Variants in LRMDA observed in about 807,000 individuals in gnomAD.
LRMDA encodes leucine-rich melanocyte differentiation-associated protein.
LRMDA carries 18 observed loss-of-function variants against 29.8 expected under a neutral mutation model. That is an observed-to-expected ratio of 0.60 (90% confidence interval 0.42 to 0.90). LRMDA has a LOEUF of 0.90. LRMDA is among the 40% of genes least tolerant of loss of function. The probability of loss-of-function intolerance (pLI) is 0.00; values close to 1 mark genes in which losing one functional copy is unlikely to be tolerated. For missense variants in LRMDA, 273 were observed against 273.9 expected, an observed-to-expected ratio of 1.00 and a Z score of 0.02; for synonymous variants, 125 against 109.4, an observed-to-expected ratio of 1.14 and a Z score of -0.89.
intron 2 of LRMDA, among the ~76,000 whole-genome samples, chr10:75,448,916 C>G (rs1039028503): frequency 6.6e-6 from 1 of 152,172 alleles, no homozygotes; most frequent in Admixed American, 6.5e-5. Flanking sequence ...CTTTGGGATA[C>G]TGAGGTGGGC....
At chr10:76,148,097 T>G (rs889245913) in intron 5 of LRMDA, among the ~76,000 whole-genome samples, 15 of 152,286 alleles carry the variant, frequency 9.8e-5, no homozygotes, top group African/African-American at 2.9e-4. Context: ...CTGCCCCTAC[T>G]GGGGGGTGCC....
At chr10:76,512,904 T>C (rs80104918) in intron 6 of LRMDA, among the ~76,000 whole-genome samples, 1 of 152,314 alleles carries the variant, frequency 6.6e-6, no homozygotes, top group East Asian at 1.9e-4. Flanking sequence ...TTTAATTTTA[T>C]TTCAATTTAT....
chr10:75,508,831 A>T (rs983987338), intron 2 of LRMDA, among the ~76,000 whole-genome samples: 1 of 152,180 alleles, frequency 6.6e-6, no homozygotes, highest in Non-Finnish European at 1.5e-5. Flanking sequence ...TTTGGGAAAC[A>T]TTAAGAATTT....
At chr10:75,622,427 G>A (rs1841200971) in intron 2 of LRMDA, among the ~76,000 whole-genome samples, 1 of 152,102 alleles carries the variant, frequency 6.6e-6, no homozygotes, top group Non-Finnish European at 1.5e-5. Flanking sequence ...TCCCCCTTTT[G>A]AGCAGGCATC....
At chr10:75,584,141 C>A (rs1840628915) in intron 2 of LRMDA, among the ~76,000 whole-genome samples, 1 of 152,172 alleles carries the variant, frequency 6.6e-6, no homozygotes, top group South Asian at 2.1e-4. Context: ...ACAGCTAGCC[C>A]CTTCCCCTGC....
intron 6 of LRMDA, among the ~76,000 whole-genome samples, chr10:76,544,415 CCCACTGTCAG>C (rs1445719277): frequency 1.3e-5 from 2 of 152,130 alleles, no homozygotes; most frequent in Admixed American, 6.5e-5. Context: ...CCTGGTACCA[CCCACTGTCAG>C]CAGTGTCTGT....
chr10:75,581,705 G>A (rs1434346994), intron 2 of LRMDA, among the ~76,000 whole-genome samples: 1 of 86,756 alleles, frequency 1.2e-5, no homozygotes, highest in Non-Finnish European at 3.2e-5. Flanking sequence ...AACACCATAT[G>A]TTCTCAATTG....
At chr10:76,211,772 G>C (rs1472132362) in intron 5 of LRMDA, among the ~76,000 whole-genome samples, 1 of 152,218 alleles carries the variant, frequency 6.6e-6, no homozygotes, top group Non-Finnish European at 1.5e-5. Flanking sequence ...CAATTCCTTA[G>C]TTTGTTGTTG....
intron 2 of LRMDA, among the ~76,000 whole-genome samples, chr10:75,481,249 G>T (rs1459870858): frequency 3.3e-5 from 5 of 152,092 alleles, no homozygotes; most frequent in Non-Finnish European, 5.9e-5. Context: ...AGATTATAGG[G>T]TGAATGTGAG....
chr10:76,379,197 G>GTT (rs1352502257), intron 6 of LRMDA, among the ~76,000 whole-genome samples: 1 of 151,290 alleles, frequency 6.6e-6, no homozygotes, highest in Non-Finnish European at 1.5e-5. Flanking sequence ...GTGTGTGTGT[G>GTT]TGTGTCCTTG....
At chr10:75,917,454 C>A (rs1845953184) in intron 2 of LRMDA, among the ~76,000 whole-genome samples, 1 of 152,160 alleles carries the variant, frequency 6.6e-6, no homozygotes, top group South Asian at 2.1e-4. Context: ...GGCCAGTAGG[C>A]CTTAGGCTAA....
chr10:76,082,928 C>T (rs989740613), intron 5 of LRMDA, among the ~76,000 whole-genome samples: 6 of 152,072 alleles, frequency 3.9e-5, no homozygotes, highest in African/African-American at 1.4e-4. Flanking sequence ...TTGAAGCCAG[C>T]TTTGAGTTGA....
chr10:75,524,371 A>G (rs1023682000), intron 2 of LRMDA, among the ~76,000 whole-genome samples: 5 of 151,802 alleles, frequency 3.3e-5, no homozygotes, highest in Admixed American at 2.6e-4. Context: ...AAGATTTTTA[A>G]CTTCTCTGGG....
chr10:76,500,046 T>A lies in LRMDA; in HGVS notation c.602-57163T>A, dbSNP rs1842899856. On this transcript the variant is annotated intron_variant, in intron 6 of 6. Transcript: ENST00000611255. ...TACTGTACCTGGCTAATATTTAAGATTTTTTTGTTTAGAGACAGGATTTTG... is the reference window on the plus strand; with the variant it reads ...TACTGTACCTGGCTAATATTTAAGAATTTTTTGTTTAGAGACAGGATTTTG... 4.0e-5 allele frequency among the ~76,000 whole-genome samples: 3 copies of A among 74,334 alleles called. 1 individual carries two copies. Among genetic ancestry groups the A allele is most frequent in the Admixed American group, 3.8e-4 (3 of 7,976 alleles). The allele number at this position is 74,334 out of a possible 152,430, so 48.8% of individuals were successfully genotyped here. A position where few individuals can be genotyped will look rare whatever the true frequency, so the allele number is the denominator to read the frequency against.
chr10:75,902,665 T>G (rs1025639762), intron 2 of LRMDA, among the ~76,000 whole-genome samples: 1 of 152,180 alleles, frequency 6.6e-6, no homozygotes, highest in Admixed American at 6.5e-5. Flanking sequence ...GCTTTTCAAA[T>G]TTGTAATGCA....
chr10:75,863,806 A>G (rs1844974513), intron 2 of LRMDA, among the ~76,000 whole-genome samples: 1 of 152,232 alleles, frequency 6.6e-6, no homozygotes, highest in Admixed American at 6.5e-5. Context: ...CAGAGCAAGG[A>G]CACTTAGAAT....
At chr10:76,257,929 G>T (rs1326862102) in intron 5 of LRMDA, among the ~76,000 whole-genome samples, 1 of 152,178 alleles carries the variant, frequency 6.6e-6, no homozygotes, top group East Asian at 1.9e-4. Flanking sequence ...CTTCCAGAAA[G>T]CTAGCCTGGG....
At chr10:76,017,900 T>G (rs1407656374) in intron 2 of LRMDA, among the ~76,000 whole-genome samples, 1 of 152,238 alleles carries the variant, frequency 6.6e-6, no homozygotes, top group African/African-American at 2.4e-5. Context: ...TGCTGTCACT[T>G]TCTTTTCTAG....
At chr10:76,434,157 C>CTTTCT (rs35872646) in intron 6 of LRMDA, among the ~76,000 whole-genome samples, 2 of 151,860 alleles carry the variant, frequency 1.3e-5, no homozygotes, top group Non-Finnish European at 2.9e-5. Flanking sequence ...TTCTTTCTTT[C>CTTTCT]TTTTTTGTAT....
Sources: allele counts gnomAD v4.1 joint callset (sites outside exome capture counted in the v4.1 genomes callset), GRCh38; gene constraint gnomAD v4.1.1; transcripts MANE v1.5; gene names NCBI Gene and HGNC (gene_info 2026-07-23, HGNC 2026-07-21).